Variants in HUWE1 observed in about 807,000 individuals in gnomAD.
HUWE1 encodes E3 ubiquitin-protein ligase HUWE1.
HUWE1 carries 18 observed loss-of-function variants against 299.4 expected under a neutral mutation model. The ratio of observed to expected loss-of-function variants is 0.06; its 90% CI spans 0.04 to 0.09. HUWE1 has a LOEUF of 0.09. HUWE1 is among the 10% of genes least tolerant of loss of function. The pLI, the probability that HUWE1 is intolerant of heterozygous loss-of-function variation, is 1.00. For missense variants in HUWE1, 1,832 were observed against 3,462.3 expected (o/e 0.53, Z 11.82); for synonymous variants, 1,317 against 1,286.1 (o/e 1.02, Z -0.51).
intron 73 of HUWE1, chrX:53,542,845 T>C: frequency 5.8e-6 from 1 of 173,178 alleles, no homozygotes; most frequent in South Asian, 7.5e-5. Context: ...TCTTCTTCTG[T>C]TGTGTGTGTG....
intron 3 of HUWE1, among the ~76,000 whole-genome samples, chrX:53,678,318 C>T (rs781844721): frequency 8.9e-6 from 1 of 111,988 alleles, no homozygotes; most frequent in East Asian, 2.8e-4. Flanking sequence ...TCAACAAGTA[C>T]ATCAAGTTTT....
In HUWE1 at chrX:53,537,307, C is replaced by T. The variant is rs965227345; in HGVS notation, c.12137+249G>A. 48 of 412,690 alleles carry T rather than the reference C, an allele frequency of 1.2e-4. No individual in the cohort carries two copies. In the East Asian group the frequency reaches 1.9e-3, roughly 16 times the overall value. The allele number at this position is 412,690 out of a possible 1,213,427, so 34.0% of individuals were successfully genotyped here. A position where few individuals can be genotyped will look rare whatever the true frequency, so the allele number is the denominator to read the frequency against. On this transcript the variant is annotated intron_variant, in intron 78 of 83. Transcript: ENST00000262854. ...TCATTGCAAAGCCAGCAGGTATATC[C>T]TTATAAACACCAAAGACTTTCCTGT...
chrX:53,598,085 A>C (rs1054711914), intron 29 of HUWE1, among the ~76,000 whole-genome samples: 2 of 111,916 alleles, frequency 1.8e-5, no homozygotes, highest in Non-Finnish European at 3.8e-5. Flanking sequence ...GAGCTAATAA[A>C]CACCACACCA....
At chrX:53,646,182 C>CG (rs782636304) in intron 6 of HUWE1, among the ~76,000 whole-genome samples, 20 of 110,476 alleles carry the variant, frequency 1.8e-4, no homozygotes, top group Non-Finnish European at 3.2e-4. Context: ...TGTTTGGAGA[C>CG]GGGGTCTCTC....
chrX:53,638,283 T>C (rs1225969205), intron 7 of HUWE1, among the ~76,000 whole-genome samples: 1 of 111,147 alleles, frequency 9.0e-6, no homozygotes, highest in Non-Finnish European at 1.9e-5. Flanking sequence ...GAGCTGGCAG[T>C]GAGCCAAGAT....
intron 83 of HUWE1, 85 bp from the exon 84 acceptor site, chrX:53,533,496 C>T (rs1271490880): frequency 1.2e-5 from 8 of 650,329 alleles, no homozygotes; most frequent in Non-Finnish European, 2.0e-5. Flanking sequence ...CCAGCCCCTC[C>T]CCTCCCTGAA....
At chrX:53,588,360 G>T (rs376639031) in intron 37 of HUWE1, 22 bp downstream of exon 37, 185 of 1,194,673 alleles carry the variant, frequency 1.5e-4, no homozygotes, top group Non-Finnish European at 1.9e-4. Flanking sequence ...GAATTACAAG[G>T]CCCCAAAGAT....
At chrX:53,591,200 G>A in intron 33 of HUWE1, 78 bp from the exon 34 acceptor site, 1 of 1,101,714 alleles carries the variant, frequency 9.1e-7, no homozygotes, top group Non-Finnish European at 1.2e-6. Flanking sequence ...ACCTTTTCAA[G>A]ATGGAAATAA....
chrX:53,541,472 T>C (rs2061341340), intron 74 of HUWE1, among the ~76,000 whole-genome samples: 2 of 110,627 alleles, frequency 1.8e-5, no homozygotes, highest in African/African-American at 6.6e-5. Flanking sequence ...CAGGCGCCTG[T>C]AATCCCAGCT....
intron 9 of HUWE1, 107 bp downstream of exon 9, chrX:53,632,380 A>C: frequency 5.1e-6 from 3 of 585,424 alleles, no homozygotes; most frequent in Admixed American, 4.7e-5. Flanking sequence ...CGAGGGCAGC[A>C]GTGTAGCTCA....
intron 43 of HUWE1, among the ~76,000 whole-genome samples, 190 bp downstream of exon 43, chrX:53,580,641 A>G (rs1471795777): frequency 8.9e-6 from 1 of 112,494 alleles, no homozygotes; most frequent in African/African-American, 3.2e-5. Context: ...GGCAGGGATT[A>G]CAACAGGGCA....
chrX:53,639,918 A>C (rs1019190639), intron 7 of HUWE1, among the ~76,000 whole-genome samples: 1 of 112,667 alleles, frequency 8.9e-6, no homozygotes, highest in Non-Finnish European at 1.9e-5. Flanking sequence ...ATTTACAGAC[A>C]CAGAAACAGG....
At chrX:53,563,714 G>GTC in intron 52 of HUWE1, 32 bp downstream of exon 52, 1 of 1,199,765 alleles carries the variant, frequency 8.3e-7, no homozygotes, top group Non-Finnish European at 1.1e-6. Context: ...TGAGGCAAAG[G>GTC]AAGAGGCTAT....
chrX:53,551,748 G>A (rs931247239), intron 63 of HUWE1, among the ~76,000 whole-genome samples: 1 of 111,802 alleles, frequency 8.9e-6, no homozygotes, highest in Non-Finnish European at 1.9e-5. Context: ...CTTGGCTTCA[G>A]GTGATCCTCT....
chrX:53,683,232 T>C (rs182647024), intron 2 of HUWE1, among the ~76,000 whole-genome samples: 1 of 110,407 alleles, frequency 9.1e-6, no homozygotes, highest in Admixed American at 9.6e-5. Context: ...GCCTCAACTA[T>C]CCACGTAGAT....
At chrX:53,553,631 A>C (rs1218302800) in intron 61 of HUWE1, among the ~76,000 whole-genome samples, 1 of 106,654 alleles carries the variant, frequency 9.4e-6, no homozygotes, top group Non-Finnish European at 1.9e-5. Flanking sequence ...CCAACATGGC[A>C]AAACCTCATC....
chrX:53,572,557 AC>A (rs1201251511), intron 47 of HUWE1, among the ~76,000 whole-genome samples: 1 of 111,504 alleles, frequency 9.0e-6, no homozygotes, highest in Non-Finnish European at 1.9e-5. Flanking sequence ...AAAACAAGGC[AC>A]CCTTACGGGA....
chrX:53,581,456 C>T (rs1164646184), intron 42 of HUWE1, among the ~76,000 whole-genome samples: 1 of 112,216 alleles, frequency 8.9e-6, no homozygotes, highest in Non-Finnish European at 1.9e-5. Context: ...TAATGATAGC[C>T]ACTGGAGATA....
intron 48 of HUWE1, 105 bp downstream of exon 48, chrX:53,569,511 C>T (rs781918994): frequency 1.4e-6 from 1 of 720,530 alleles, no homozygotes; most frequent in Non-Finnish European, 2.2e-6. Flanking sequence ...TATATGATGC[C>T]AGTATGACAA....
Sources: gnomAD v4.1 joint callset for allele counts (sites outside exome capture counted in the v4.1 genomes callset) on GRCh38, gnomAD v4.1.1 for gene constraint, MANE v1.5 for transcripts, NCBI Gene and HGNC (gene_info 2026-07-23, HGNC 2026-07-21) for gene names.